CDH13: variants seen among roughly 807,000 people sequenced by gnomAD.
CDH13 encodes cadherin-13.
CDH13 carries 24 observed loss-of-function variants against 63.8 expected under a neutral mutation model. The observed-to-expected ratio is 0.38, with a 90% confidence interval of 0.27 to 0.53. CDH13 has a LOEUF of 0.53. Among genes scored for constraint, CDH13 ranks in the 20% least tolerant of loss-of-function variants. The pLI is 0.85. For missense variants in CDH13, 1,049 were observed against 903.1 expected (o/e 1.16, Z -2.07); for synonymous variants, 503 against 355.3 (o/e 1.42, Z -4.67).
chr16:83,139,876 C>G (rs1046259858), intron 4 of CDH13, among the ~76,000 whole-genome samples: 1 of 151,980 alleles, frequency 6.6e-6, no homozygotes, highest in Non-Finnish European at 1.5e-5. Context: ...GTGGTGCATG[C>G]CTGTAAGCCC....
At chr16:82,961,590 A>C (rs933349013) in intron 2 of CDH13, among the ~76,000 whole-genome samples, 1 of 150,856 alleles carries the variant, frequency 6.6e-6, no homozygotes, top group East Asian at 1.9e-4. Flanking sequence ...AAAAAAAAAA[A>C]AAAAAACTAC....
chr16:83,122,280 T>C (rs1005154822), intron 3 of CDH13, among the ~76,000 whole-genome samples: 4 of 152,226 alleles, frequency 2.6e-5, no homozygotes, highest in Admixed American at 1.3e-4. Flanking sequence ...GAGCTTTCCA[T>C]AGGCAACAGT....
intron 2 of CDH13, among the ~76,000 whole-genome samples, chr16:82,900,763 C>A (rs540115793): frequency 2.0e-5 from 3 of 152,302 alleles, no homozygotes; most frequent in African/African-American, 7.2e-5. Flanking sequence ...TCTGCCCGGC[C>A]GTTAGCTTTT....
intron 10 of CDH13, among the ~76,000 whole-genome samples, chr16:83,732,511 C>T (rs528311590): frequency 6.6e-6 from 1 of 152,278 alleles, no homozygotes; most frequent in Admixed American, 6.5e-5. Flanking sequence ...ATCTCACTCT[C>T]CTGTTCTGTG....
At position 83,216,439 on chromosome 16, in the gene CDH13, T is replaced by TACACAC. The variant is rs1419896545; in HGVS notation, c.484-905_484-904insCACACA. ...ATATATATATATATATATATATATA[T>TACACAC]ATATACACAACCCTAATTTGAGGTT... On this transcript the variant is annotated intron_variant, in intron 4 of 13. Transcript: ENST00000567109. Among the ~76,000 whole-genome samples, 190 of 108,198 alleles carry TACACAC rather than the reference T, an allele frequency of 1.8e-3. 9 individuals carry two copies. The highest frequency in any genetic ancestry group is 6.8e-3 in the African/African-American group (183 of 26,724). The allele number at this position is 108,198 out of a possible 152,430, so 71.0% of individuals were successfully genotyped here.
At chr16:83,747,281 G>C (rs950552759) in intron 10 of CDH13, among the ~76,000 whole-genome samples, 29 of 152,182 alleles carry the variant, frequency 1.9e-4, no homozygotes, top group Non-Finnish European at 5.9e-5. Flanking sequence ...CCCTGTGGGA[G>C]GTAATCGAAT....
chr16:82,883,937 G>A (rs533494528), intron 2 of CDH13, among the ~76,000 whole-genome samples: 5 of 152,252 alleles, frequency 3.3e-5, no homozygotes, highest in Admixed American at 6.5e-5. Flanking sequence ...CTGTTCATGA[G>A]CAAGTTATTT....
chr16:83,526,128 C>G (rs993897172), intron 7 of CDH13, among the ~76,000 whole-genome samples: 9 of 152,144 alleles, frequency 5.9e-5, no homozygotes, highest in Admixed American at 1.3e-4. Context: ...AAGGCAGAAC[C>G]AAAAACACCA....
intron 3 of CDH13, among the ~76,000 whole-genome samples, chr16:83,111,938 A>G (rs1471103807): frequency 6.6e-6 from 1 of 152,222 alleles, no homozygotes; most frequent in Non-Finnish European, 1.5e-5. Context: ...GATCTAAGCC[A>G]CTATATCAAG....
chr16:82,825,423 T>C (rs189217533), intron 1 of CDH13: 15 of 152,146 alleles, frequency 9.9e-5, no homozygotes, highest in African/African-American at 3.6e-4. Context: ...ATTCTTTTTC[T>C]TGATACTTCA....
intron 1 of CDH13, among the ~76,000 whole-genome samples, chr16:82,804,184 C>CTCCAGCCTGGTGACAGAGTGAGGTGA: frequency 6.6e-6 from 1 of 150,948 alleles, no homozygotes; most frequent in East Asian, 1.9e-4. Context: ...GCTGAGATCA[C>CTCCAGCCTGGTGACAGAGTGAGGTGA]GCTACTGCAC....
chr16:82,675,161 A>C (rs943235783), intron 1 of CDH13, among the ~76,000 whole-genome samples: 2 of 152,224 alleles, frequency 1.3e-5, no homozygotes, highest in Admixed American at 6.5e-5. Flanking sequence ...TATTGAAAAA[A>C]ATGTGTAAAA....
intron 8 of CDH13, among the ~76,000 whole-genome samples, chr16:83,621,707 G>A (rs559826854): frequency 1.3e-5 from 2 of 151,168 alleles, no homozygotes; most frequent in Admixed American, 1.3e-4. Flanking sequence ...GGCTGGTCTG[G>A]AGCTCTTAAC....
chr16:83,159,719 A>G (rs2037363941), intron 4 of CDH13, among the ~76,000 whole-genome samples: 1 of 152,200 alleles, frequency 6.6e-6, no homozygotes, highest in South Asian at 2.1e-4. Flanking sequence ...ACTCATTTAC[A>G]GCATAGCCGC....
At chr16:82,845,456 C>T (rs1264413062) in intron 1 of CDH13, among the ~76,000 whole-genome samples, 2 of 152,206 alleles carry the variant, frequency 1.3e-5, no homozygotes, top group African/African-American at 2.4e-5. Context: ...CTCATCGCAG[C>T]AGCAACTGAG....
At position 83,594,499 on chromosome 16, in the gene CDH13, T is replaced by A. The variant is rs969439364; in HGVS notation, c.961-7955T>A. Reference sequence around the variant, plus strand: ...AAGGTCCCTGCCTTCGTGGAGCCTCTGTGCTGTGAATAATGACCATCAGCA... The same window carrying A: ...AAGGTCCCTGCCTTCGTGGAGCCTCAGTGCTGTGAATAATGACCATCAGCA... On this transcript the variant is annotated intron_variant, in intron 7 of 13. Coordinates refer to ENST00000567109, the MANE Select transcript of CDH13 (RefSeq NM_001257.5). Among the ~76,000 whole-genome samples the A allele has an allele frequency of 2.6e-5, 4 of 152,196 alleles. No individual in the cohort carries two copies. In the East Asian group the frequency reaches 7.7e-4, roughly 29 times the overall value.
chr16:83,771,304 C>A (rs1402100416), intron 11 of CDH13, among the ~76,000 whole-genome samples: 1 of 152,162 alleles, frequency 6.6e-6, no homozygotes, highest in African/African-American at 2.4e-5. Context: ...GGCCAGGTGG[C>A]CAACTTGGCC....
chr16:82,990,437 C>T (rs1030268984), intron 2 of CDH13: 1 of 152,176 alleles, frequency 6.6e-6, no homozygotes, highest in Non-Finnish European at 1.5e-5. Context: ...GGGACCTGGG[C>T]CCCTCCTGGA....
chr16:83,587,043 G>T (rs964693877), intron 7 of CDH13, among the ~76,000 whole-genome samples: 10 of 152,116 alleles, frequency 6.6e-5, no homozygotes, highest in African/African-American at 1.9e-4. Context: ...GGCTCCTTTC[G>T]TTTCTAAAGC....
Sources: gnomAD v4.1 joint callset for allele counts (sites outside exome capture counted in the v4.1 genomes callset) on GRCh38, gnomAD v4.1.1 for gene constraint, MANE v1.5 for transcripts, NCBI Gene and HGNC (gene_info 2026-07-23, HGNC 2026-07-21) for gene names.